POM121C: variants seen among roughly 807,000 people sequenced by gnomAD.
The protein encoded by POM121C is nuclear envelope pore membrane protein POM 121C.
A neutral mutation model predicts 66.4 loss-of-function variants in POM121C; 20 were observed. The ratio of observed to expected loss-of-function variants is 0.30; its 90% CI spans 0.21 to 0.44. The LOEUF is 0.44. POM121C is among the 20% of genes least tolerant of loss of function. POM121C has a pLI of 1.00. For missense variants in POM121C, 580 were observed against 1,225.7 expected (o/e 0.47, Z 7.87); for synonymous variants, 286 against 528.0 (o/e 0.54, Z 6.28).
In POM121C at chr7:75,486,219, G is replaced by C. The variant is rs1792542712; in HGVS notation, c.-813C>G. The C allele has an allele frequency of 6.9e-6, 2 of 288,814 alleles. No homozygotes were observed. The highest frequency in any genetic ancestry group is 2.7e-5 in the South Asian group (1 of 37,094). The allele number at this position is 288,814 out of a possible 1,614,324, so 17.9% of individuals were successfully genotyped here. On this transcript the variant is annotated 5_prime_UTR_variant, in exon 1 of 15. Transcript: ENST00000615331. ...GGTCAGCATCCAGCCCCGCAGACTC[G>C]GTGATTCTCGTCCACTAGAAGCCAA...
chr7:75,428,234 G>A (rs1310977593), intron 7 of POM121C, among the ~76,000 whole-genome samples: 4 of 151,964 alleles, frequency 2.6e-5, no homozygotes, highest in Non-Finnish European at 5.9e-5. Flanking sequence ...CCGCCTCCCT[G>A]GTTCAAGCGA....
intron 3 of POM121C, among the ~76,000 whole-genome samples, chr7:75,443,071 C>A (rs1407501508): frequency 2.0e-5 from 3 of 152,192 alleles, no homozygotes; most frequent in Non-Finnish European, 4.4e-5. Flanking sequence ...CCCTCCAGCA[C>A]AGCCTGTTAC....
chr7:75,437,404 T>C, intron 7 of POM121C, 111 bp downstream of exon 7: 1 of 1,426,362 alleles, frequency 7.0e-7, no homozygotes, highest in South Asian at 1.5e-5. Context: ...TCCTCCCGCT[T>C]TGGCCTTCCA....
intron 3 of POM121C, among the ~76,000 whole-genome samples, chr7:75,452,418 C>T (rs879995621): frequency 4.6e-5 from 7 of 152,174 alleles, no homozygotes; most frequent in African/African-American, 7.2e-5. Flanking sequence ...GCCGAGATCG[C>T]GCCACTTGCC....
At chr7:75,462,329 G>A (rs1346988536) in intron 3 of POM121C, among the ~76,000 whole-genome samples, 7 of 152,154 alleles carry the variant, frequency 4.6e-5, no homozygotes, top group Non-Finnish European at 7.4e-5. Context: ...GTCTCCTGAG[G>A]CCTCCCCAGC....
intron 3 of POM121C, among the ~76,000 whole-genome samples, chr7:75,473,724 T>C (rs1239213564): frequency 6.6e-6 from 1 of 151,912 alleles, no homozygotes; most frequent in Non-Finnish European, 1.5e-5. Context: ...AGTCTCGCTC[T>C]GTCGCCCAGG....
intron 3 of POM121C, among the ~76,000 whole-genome samples, chr7:75,447,799 G>A (rs1304931759): frequency 1.2e-4 from 19 of 152,004 alleles, no homozygotes; most frequent in Admixed American, 9.2e-4. Context: ...CGAGGCAGGC[G>A]GATCACGAGG....
intron 1 of POM121C, among the ~76,000 whole-genome samples, chr7:75,481,579 T>C (rs1278227754): frequency 1.2e-4 from 18 of 152,238 alleles, no homozygotes; most frequent in African/African-American, 4.3e-4. Context: ...ATGCCTATAA[T>C]CCCAACACTG....
chr7:75,435,787 C>T (rs1584665980), intron 7 of POM121C, among the ~76,000 whole-genome samples: 2 of 152,220 alleles, frequency 1.3e-5, no homozygotes, highest in Non-Finnish European at 2.9e-5. Context: ...TGGTGGCTCA[C>T]ACCTGTAATC....
chr7:75,424,968 A>C (rs1242765369), intron 10 of POM121C, 106 bp downstream of exon 10: 21 of 1,539,688 alleles, frequency 1.4e-5, no homozygotes, highest in Admixed American at 1.3e-4. Flanking sequence ...AAAAAACAAA[A>C]ACAAAAATAA....
chr7:75,429,466 T>C (rs1306372318), intron 7 of POM121C, among the ~76,000 whole-genome samples: 1 of 152,064 alleles, frequency 6.6e-6, no homozygotes, highest in Non-Finnish European at 1.5e-5. Flanking sequence ...ATCCTGTCTC[T>C]ACTAAAACTC....
At chr7:75,438,156 A>T (rs1790485541) in intron 6 of POM121C, among the ~76,000 whole-genome samples, 1 of 152,206 alleles carries the variant, frequency 6.6e-6, no homozygotes, top group Non-Finnish European at 1.5e-5. Flanking sequence ...CATTTTTCTA[A>T]ACCTCCAATG....
chr7:75,441,595 G>A lies in POM121C; in HGVS notation c.-99C>T. The A allele has an allele frequency of 1.3e-6, 2 of 1,599,942 alleles. No homozygotes were observed. The highest frequency in any genetic ancestry group is 1.7e-6 in the Non-Finnish European group (2 of 1,172,788). ...CAGGAATACTGGGTCTGATGGATCG[G>A]ATAGCGTCTTCGAGGTGTTATTACA... On this transcript the variant is annotated 5_prime_UTR_variant, in exon 4 of 15. Coordinates refer to ENST00000615331, the MANE Select transcript of POM121C (RefSeq NM_001099415.3).
chr7:75,435,488 A>G (rs1433421689), intron 7 of POM121C, among the ~76,000 whole-genome samples: 1 of 152,252 alleles, frequency 6.6e-6, no homozygotes. Flanking sequence ...TCAAACAACA[A>G]GTATTTTATG....
chr7:75,459,639 T>A (rs1791382037), intron 3 of POM121C, among the ~76,000 whole-genome samples: 55 of 127,166 alleles, frequency 4.3e-4, no homozygotes, highest in South Asian at 1.0e-3. Flanking sequence ...TGAAGAAAAA[T>A]CCAGAGAGAT....
At chr7:75,427,773 G>A (rs1790014428) in intron 7 of POM121C, among the ~76,000 whole-genome samples, 1 of 152,146 alleles carries the variant, frequency 6.6e-6, no homozygotes. Flanking sequence ...GTACAAACAG[G>A]AAGCCAACAA....
At position 75,441,753 on chromosome 7, in the gene POM121C, CTCTT is replaced by C. The variant is rs1584675056; in HGVS notation, c.-151-110_-151-107del. 9.0e-5 allele frequency: 101 copies of C among 1,118,260 alleles called. No individual in the cohort carries two copies. In the East Asian group the frequency reaches 2.5e-3, roughly 28 times the overall value. 69.3% of individuals were successfully genotyped at this position (1,118,260 alleles called of 1,614,324 possible). A position where few individuals can be genotyped will look rare whatever the true frequency, so the allele number is the denominator to read the frequency against. On this transcript the variant is annotated intron_variant, in intron 3 of 14. Coordinates refer to ENST00000615331, the MANE Select transcript of POM121C (RefSeq NM_001099415.3). Reference sequence around the variant, plus strand: ...AAGACATTTTCCAAAGAACTTAAATCTCTTTCTACGCAACACAGAACACGTTGTT... The same window carrying C: ...AAGACATTTTCCAAAGAACTTAAATCTCTACGCAACACAGAACACGTTGTT...
intron 3 of POM121C, among the ~76,000 whole-genome samples, chr7:75,465,090 G>A (rs1234184987): frequency 6.6e-6 from 1 of 150,814 alleles, no homozygotes; most frequent in Non-Finnish European, 1.5e-5. Flanking sequence ...TGCCTACCGG[G>A]TTCAAGCAAT....
At chr7:75,420,953 G>A in intron 13 of POM121C, 1 of 170,590 alleles carries the variant, frequency 5.9e-6, no homozygotes, top group South Asian at 1.3e-4. Flanking sequence ...CACTTGTGCT[G>A]TGCCCACCCC....
Sources: gnomAD v4.1 joint callset for allele counts (sites outside exome capture counted in the v4.1 genomes callset) on GRCh38, gnomAD v4.1.1 for gene constraint, MANE v1.5 for transcripts, NCBI Gene and HGNC (gene_info 2026-07-23, HGNC 2026-07-21) for gene names.